Variants in VPS13B observed in about 807,000 individuals in gnomAD.
VPS13B encodes the protein intermembrane lipid transfer protein VPS13B.
In VPS13B, 285 loss-of-function variants were observed where a neutral mutation model predicts 426.4. That is an observed-to-expected ratio of 0.67 (90% confidence interval 0.61 to 0.74). VPS13B has a LOEUF of 0.74. Among genes scored for constraint, VPS13B ranks in the 30% least tolerant of loss-of-function variants. The probability of loss-of-function intolerance (pLI) is 0.00; values close to 1 mark genes in which losing one functional copy is unlikely to be tolerated. For synonymous variants in VPS13B, 1,676 were observed against 1,676.4 expected, an observed-to-expected ratio of 1.00 and a Z score of 0.01; for missense variants, 4,537 against 4,782.6, an observed-to-expected ratio of 0.95 and a Z score of 1.51.
At chr8:99,588,619 G>T (rs1333836652) in intron 33 of VPS13B, among the ~76,000 whole-genome samples, 1 of 151,548 alleles carries the variant, frequency 6.6e-6, no homozygotes, top group Non-Finnish European at 1.5e-5. Context: ...CACTCTGTTT[G>T]TTAATATTGT....
At chr8:99,340,353 A>G in intron 19 of VPS13B, 1 of 396,094 alleles carries the variant, frequency 2.5e-6, no homozygotes, top group Non-Finnish European at 5.0e-6. Context: ...CCTCATAGGC[A>G]GCAACATAAG....
At chr8:99,468,664 T>C (rs558900480) in intron 24 of VPS13B, among the ~76,000 whole-genome samples, 50 of 152,224 alleles carry the variant, frequency 3.3e-4, no homozygotes, top group African/African-American at 1.2e-3. Flanking sequence ...TAGTGTGCTA[T>C]GATTGCACCC....
intron 2 of VPS13B, among the ~76,000 whole-genome samples, chr8:99,025,271 C>T (rs762848340): frequency 6.6e-6 from 1 of 151,900 alleles, no homozygotes; most frequent in Non-Finnish European, 1.5e-5. Flanking sequence ...ATCCCTGTTT[C>T]AAAAAATTTT....
In VPS13B at chr8:99,550,398, ATTTT is replaced by A. The variant is rs891315794; in HGVS notation, c.4746-6041_4746-6038del. 2.8e-5 allele frequency among the ~76,000 whole-genome samples: 4 copies of A among 144,600 alleles called. No homozygotes were observed. The East Asian group carries it at 8.0e-4, about 29-fold the overall frequency. The allele number at this position is 144,600 out of a possible 152,430, so 94.9% of individuals were successfully genotyped here. A position where few individuals can be genotyped will look rare whatever the true frequency, so the allele number is the denominator to read the frequency against. Reference sequence around the variant, plus strand: ...CTAGGGACAGTGACGACTAGGAGAGATTTTTTTTTTTTTTCACAGTAAGCCGTAA... The same window carrying A: ...CTAGGGACAGTGACGACTAGGAGAGATTTTTTTTTTCACAGTAAGCCGTAA... On this transcript the variant is annotated intron_variant, in intron 30 of 61. Transcript: ENST00000357162.
rs1817366313 is a variant in VPS13B, at chr8:99,870,817, C to T, written c.11425C>T (p.Pro3809Ser). 1.2e-6 allele frequency: 2 copies of T among 1,614,188 alleles called. No homozygotes were observed. The highest frequency in any genetic ancestry group is 1.6e-4 in the Middle Eastern group (1 of 6,062). ...ACATGGAGCTGGACTTTCTCAGCTT[C>T]CCAAACAGCGCCATCAGCCAAGTGA... The part of the protein sequence containing the change: ...ILHGAGLSQL[P>S]KQRHQPSDLH... The change falls in exon 60 of 62, where the codon CCC becomes TCC. Residue 3809 changes from proline to serine, a missense_variant. By Grantham distance (74) the Pro-to-Ser change is moderately conservative. Coordinates refer to ENST00000357162, the MANE Select transcript of VPS13B (RefSeq NM_152564.5).
chr8:99,543,159 A>C (rs964710980), intron 30 of VPS13B, among the ~76,000 whole-genome samples: 1 of 152,144 alleles, frequency 6.6e-6, no homozygotes, highest in Non-Finnish European at 1.5e-5. Flanking sequence ...ATAACGCCGC[A>C]GATCTACAAC....
At chr8:99,137,684 T>C (rs1024478248) in intron 12 of VPS13B, among the ~76,000 whole-genome samples, 1 of 152,186 alleles carries the variant, frequency 6.6e-6, no homozygotes, top group East Asian at 1.9e-4. Flanking sequence ...GATGTTTTCA[T>C]TGGTCAATCC....
intron 30 of VPS13B, among the ~76,000 whole-genome samples, chr8:99,553,118 A>G (rs1824371846): frequency 6.6e-6 from 1 of 152,124 alleles, no homozygotes; most frequent in Non-Finnish European, 1.5e-5. Context: ...TTAACAGAGC[A>G]GAAAATCAGT....
chr8:99,873,643 T>C (rs1817546679), intron 61 of VPS13B, among the ~76,000 whole-genome samples: 1 of 152,238 alleles, frequency 6.6e-6, no homozygotes, highest in Admixed American at 6.5e-5. Context: ...TAGGAATAAC[T>C]GCTGCCTTAA....
chr8:99,198,223 G>A (rs999800781), intron 17 of VPS13B, among the ~76,000 whole-genome samples: 3 of 151,836 alleles, frequency 2.0e-5, no homozygotes, highest in Non-Finnish European at 4.4e-5. Flanking sequence ...ATCTTCCTTG[G>A]CATTAGCACT....
chr8:99,522,782 C>G (rs939244540), intron 30 of VPS13B, among the ~76,000 whole-genome samples: 1 of 152,148 alleles, frequency 6.6e-6, no homozygotes, highest in African/African-American at 2.4e-5. Flanking sequence ...CAAGTCATTT[C>G]TACATAAACA....
At chr8:99,298,309 A>C (rs1484101796) in intron 19 of VPS13B, among the ~76,000 whole-genome samples, 29 of 151,946 alleles carry the variant, frequency 1.9e-4, no homozygotes, top group Admixed American at 1.9e-3. Context: ...ACCAATATGG[A>C]GAAACCCCGT....
intron 39 of VPS13B, among the ~76,000 whole-genome samples, chr8:99,722,593 G>T (rs553547217): frequency 2.7e-5 from 4 of 148,586 alleles, no homozygotes; most frequent in African/African-American, 1.0e-4. Flanking sequence ...TGCAAGCTCC[G>T]CCTCCTGGGT....
intron 44 of VPS13B, among the ~76,000 whole-genome samples, chr8:99,812,829 C>T (rs1169962190): frequency 1.3e-5 from 2 of 152,098 alleles, no homozygotes; most frequent in Non-Finnish European, 2.9e-5. Context: ...AGTTATTCTT[C>T]AATATCACTA....
At chr8:99,424,312 G>A (rs1279066865) in intron 21 of VPS13B, 2 of 151,558 alleles carry the variant, frequency 1.3e-5, no homozygotes, top group Non-Finnish European at 2.9e-5. Context: ...GTCTCTGCAC[G>A]TGAGATGGGT....
chr8:99,825,806 A>G (rs1326115652), intron 51 of VPS13B, among the ~76,000 whole-genome samples: 2 of 152,136 alleles, frequency 1.3e-5, no homozygotes, highest in African/African-American at 2.4e-5. Context: ...AGTTTTCCCA[A>G]CACCATTTAT....
chr8:99,450,764 C>T (rs888589877), intron 23 of VPS13B, among the ~76,000 whole-genome samples: 1 of 151,842 alleles, frequency 6.6e-6, no homozygotes, highest in African/African-American at 2.4e-5. Context: ...TCCTCATAAC[C>T]CCTGAGAAAT....
intron 19 of VPS13B, among the ~76,000 whole-genome samples, chr8:99,287,302 TATAG>T (rs1420662232): frequency 7.9e-5 from 12 of 151,876 alleles, no homozygotes; most frequent in Non-Finnish European, 1.2e-4. Flanking sequence ...CTCCGTACTG[TATAG>T]ATAGATAGAT....
At chr8:99,230,248 A>G (rs1293959391) in intron 17 of VPS13B, among the ~76,000 whole-genome samples, 2 of 152,156 alleles carry the variant, frequency 1.3e-5, no homozygotes, top group African/African-American at 2.4e-5. Context: ...TAGGCATTTT[A>G]AACTCTTCAT....
Sources: gnomAD v4.1 joint callset for allele counts (sites outside exome capture counted in the v4.1 genomes callset) on GRCh38, gnomAD v4.1.1 for gene constraint, MANE v1.5 for transcripts, NCBI Gene and HGNC (gene_info 2026-07-23, HGNC 2026-07-21) for gene names.